PCDHGB6: variants seen among roughly 807,000 people sequenced by gnomAD.
The protein encoded by PCDHGB6 is protocadherin gamma subfamily B, 6.
PCDHGB6 carries 51 observed loss-of-function variants against 59.1 expected under a neutral mutation model. The ratio of observed to expected loss-of-function variants is 0.86; its 90% CI spans 0.69 to 1.09. PCDHGB6 has a LOEUF of 1.09. PCDHGB6 is among the 50% of genes least tolerant of loss of function. The pLI is 0.00. For synonymous variants in PCDHGB6, 466 were observed against 495.1 expected, an observed-to-expected ratio of 0.94 and a Z score of 0.78; for missense variants, 1,148 against 1,205.1, an observed-to-expected ratio of 0.95 and a Z score of 0.70.
rs758599120 is a variant in PCDHGB6 at position 141,414,165 on chromosome 5, A to G, written c.2418+3545A>G. On this transcript the variant is annotated intron_variant, in intron 1 of 3. Transcript: ENST00000520790. The stretch of plus-strand genomic sequence containing the variant: ...AAATACAAGCAGAAGATGGAGGAGC[A>G]TATCTTGCAACTGCAAAAGTGTTGA... 8 of 1,604,890 alleles carry G rather than the reference A, an allele frequency of 5.0e-6. No homozygotes were observed. The highest frequency in any genetic ancestry group is 2.2e-5 in the South Asian group (2 of 89,922).
At position 141,476,580 on chromosome 5, in the gene PCDHGB6, C is replaced by T. The variant is rs1463314107; in HGVS notation, c.2419-18227C>T. 6 of 1,614,126 alleles carry T rather than the reference C, an allele frequency of 3.7e-6. No homozygotes were observed. Among genetic ancestry groups the T allele is most frequent in the Non-Finnish European group, 5.1e-6 (6 of 1,180,052 alleles). The stretch of plus-strand genomic sequence containing the variant: ...GCCGTGGCTCCGGGGACGCGCTTTC[C>T]GCTCGAGAGCGCGCACGATCCCGAT... On this transcript the variant is annotated intron_variant, in intron 1 of 3. Transcript: ENST00000520790. This position sits in a 1 kb window ranked among gnomAD's most constrained non-coding sequence, Gnocchi z 7.6.
chr5:141,486,345 A>C lies in PCDHGB6; in HGVS notation c.2419-8462A>C. On this transcript the variant is annotated intron_variant, in intron 1 of 3. Coordinates refer to ENST00000520790, the MANE Select transcript of PCDHGB6 (RefSeq NM_018926.3). This position sits in a 1 kb window ranked among gnomAD's most constrained non-coding sequence, Gnocchi z 5.0. Reference sequence around the variant, plus strand: ...GGAGATGTGAGCCTCCGCATTCCTGACCACTTGCCATTTGCCCTCAAGTCT... The same window carrying C: ...GGAGATGTGAGCCTCCGCATTCCTGCCCACTTGCCATTTGCCCTCAAGTCT... The C allele has an allele frequency of 6.2e-7, 1 of 1,613,940 alleles. No homozygotes were observed. The highest frequency in any genetic ancestry group is 8.5e-7 in the Non-Finnish European group (1 of 1,179,986).
rs1361609314 is a variant in PCDHGB6 at position 141,423,642 on chromosome 5, TGACCC to T, written c.2418+13026_2418+13030del. 6 of 1,596,888 alleles carry T rather than the reference TGACCC, an allele frequency of 3.8e-6. No individual in the cohort carries two copies. In the South Asian group the frequency reaches 5.7e-5, roughly 15 times the overall value. ...ACTCAGCTATCATTTTAGGCAAATGTGACCCGACAAGTAATCAGGTGAGATTTATT... is the reference window on the plus strand; with the variant it reads ...ACTCAGCTATCATTTTAGGCAAATGTGACAAGTAATCAGGTGAGATTTATT... On this transcript the variant is annotated intron_variant, in intron 1 of 3. Transcript: ENST00000520790.
In PCDHGB6 at chr5:141,476,656, T is replaced by A. The variant is rs190269177; in HGVS notation, c.2419-18151T>A. 6.2e-7 allele frequency: 1 copy of A among 1,614,210 alleles called. No individual in the cohort carries two copies. The highest frequency in any genetic ancestry group is 1.3e-5 in the African/African-American group (1 of 75,064). ...ATGAGCTGAGCCGAAATGAATACTTTGCGCTTCGCGTGCAGACGCGGGAGG... is the reference window on the plus strand; with the variant it reads ...ATGAGCTGAGCCGAAATGAATACTTAGCGCTTCGCGTGCAGACGCGGGAGG... On this transcript the variant is annotated intron_variant, in intron 1 of 3. Coordinates refer to ENST00000520790, the MANE Select transcript of PCDHGB6 (RefSeq NM_018926.3). This position sits in a 1 kb window ranked among gnomAD's most constrained non-coding sequence, Gnocchi z 7.6.
At chr5:141,424,055 C>T (rs2096796946) in intron 1 of PCDHGB6, 1 of 1,007,784 alleles carries the variant, frequency 9.9e-7, no homozygotes. Flanking sequence ...TTTTGCTGTG[C>T]CTTCACTGAT....
chr5:141,490,956 A>T lies in PCDHGB6; in HGVS notation c.2419-3851A>T. 1.2e-6 allele frequency: 2 copies of T among 1,613,828 alleles called. No homozygotes were observed. The highest frequency in any genetic ancestry group is 1.7e-6 in the Non-Finnish European group (2 of 1,179,852). ...TGCTGCACCCACGGCCAGACTGGGA[A>T]CACTCAGCCCCCCAGCGTCTCCCTC... On this transcript the variant is annotated intron_variant, in intron 1 of 3. Transcript: ENST00000520790. The surrounding 1 kb of genome is among the most constrained non-coding windows in gnomAD (Gnocchi z 5.4).
chr5:141,449,718 G>A (rs2098653155), intron 1 of PCDHGB6, among the ~76,000 whole-genome samples: 2 of 150,760 alleles, frequency 1.3e-5, no homozygotes, highest in Admixed American at 6.6e-5. Flanking sequence ...ATTTTTATAT[G>A]ATATGATTTT....
chr5:141,458,633 A>C (rs548586597), intron 1 of PCDHGB6, among the ~76,000 whole-genome samples: 12 of 151,884 alleles, frequency 7.9e-5, no homozygotes, highest in Non-Finnish European at 1.5e-4. Flanking sequence ...GCAGTGGCAC[A>C]ATCCCAGCTC....
Position 141,485,373 on chromosome 5 carries a change from C to T in PCDHGB6, c.2419-9434C>T. 2 of 1,614,136 alleles carry T rather than the reference C, an allele frequency of 1.2e-6. No homozygotes were observed. Among genetic ancestry groups the T allele is most frequent in the East Asian group, 2.2e-5 (1 of 44,868 alleles). On this transcript the variant is annotated intron_variant, in intron 1 of 3. Transcript: ENST00000520790. This position sits in a 1 kb window ranked among gnomAD's most constrained non-coding sequence, Gnocchi z 5.7. ...CTGTCAGCTCGCAGGCTGCAGGTCG[C>T]TGGAGAGGTGAACCAAAGACACTTC... is the stretch of plus-strand genomic sequence containing the variant.
Position 141,409,203 on chromosome 5 carries a change from T to C in PCDHGB6, c.1001T>C (p.Ile334Thr). Reference sequence around the variant, plus strand: ...GGTCTCTCTACCCAGTGTAAAGTAATCATAGAAATCCTTGATGAAAACGAC... The same window carrying C: ...GGTCTCTCTACCCAGTGTAAAGTAACCATAGAAATCCTTGATGAAAACGAC... ...GGGLSTQCKV[I>T]IEILDENDNS... The change falls in exon 1 of 4, where the codon ATC becomes ACC. Residue 334 changes from isoleucine (I) to threonine (T), a missense_variant. Coordinates refer to ENST00000520790, the MANE Select transcript of PCDHGB6 (RefSeq NM_018926.3). 2 of 1,613,964 alleles carry C rather than the reference T, an allele frequency of 1.2e-6. No individual in the cohort carries two copies. Among genetic ancestry groups the C allele is most frequent in the Non-Finnish European group, 1.7e-6 (2 of 1,179,878 alleles).
At chr5:141,434,609 G>A (rs189866750) in intron 1 of PCDHGB6, among the ~76,000 whole-genome samples, 11 of 152,064 alleles carry the variant, frequency 7.2e-5, no homozygotes, top group Non-Finnish European at 1.3e-4. Context: ...CTTTATTTCC[G>A]CCCATCTCTT....
At position 141,491,116 on chromosome 5, in the gene PCDHGB6, GGT is replaced by G. The variant is rs2099708409; in HGVS notation, c.2419-3689_2419-3688del. The G allele has an allele frequency of 1.2e-6, 2 of 1,614,178 alleles. No individual in the cohort carries two copies. Among genetic ancestry groups the G allele is most frequent in the Non-Finnish European group, 1.7e-6 (2 of 1,180,024 alleles). On this transcript the variant is annotated intron_variant, in intron 1 of 3. Transcript: ENST00000520790. This position sits in a 1 kb window ranked among gnomAD's most constrained non-coding sequence, Gnocchi z 6.9. Reference sequence around the variant, plus strand: ...ACTGTTCCTCGTGTCTACACACACTGGTGAGGTGCGCACAGCCCGGGCCTTAC... The same window carrying G: ...ACTGTTCCTCGTGTCTACACACACTGGAGGTGCGCACAGCCCGGGCCTTAC...
intron 1 of PCDHGB6, among the ~76,000 whole-genome samples, chr5:141,445,961 G>T (rs944876169): frequency 1.3e-5 from 2 of 152,158 alleles, no homozygotes; most frequent in Non-Finnish European, 2.9e-5. Context: ...GCTATATGGA[G>T]AATTGATTTA....
At position 141,490,735 on chromosome 5, in the gene PCDHGB6, C is replaced by T; in HGVS notation, c.2419-4072C>T. The T allele has an allele frequency of 2.5e-6, 4 of 1,614,194 alleles. No individual in the cohort carries two copies. Among genetic ancestry groups the T allele is most frequent in the Non-Finnish European group, 2.5e-6 (3 of 1,180,018 alleles). ...CTACTCCATTGTAGGAAATCAGGTTCAGGGAGCCCCAGCCTCCTCCTTTGT... is the reference window on the plus strand; with the variant it reads ...CTACTCCATTGTAGGAAATCAGGTTTAGGGAGCCCCAGCCTCCTCCTTTGT... On this transcript the variant is annotated intron_variant, in intron 1 of 3. Transcript: ENST00000520790. This position sits in a 1 kb window ranked among gnomAD's most constrained non-coding sequence, Gnocchi z 5.4.
At chr5:141,441,886 A>C (rs2098281968) in intron 1 of PCDHGB6, 1 of 345,040 alleles carries the variant, frequency 2.9e-6, no homozygotes, top group Non-Finnish European at 5.6e-6. Flanking sequence ...CCTGGTCACC[A>C]AGGTGGTGGC....
At position 141,490,003 on chromosome 5, in the gene PCDHGB6, G is replaced by A. The variant is rs2099694760; in HGVS notation, c.2419-4804G>A. On this transcript the variant is annotated intron_variant, in intron 1 of 3. Transcript: ENST00000520790. This position sits in a 1 kb window ranked among gnomAD's most constrained non-coding sequence, Gnocchi z 5.4. ...TCTACGTGTGGGAATCCCAGAGAAT[G>A]CACCCATTGGTACTCTGCTGCTCCG... 6.2e-7 allele frequency: 1 copy of A among 1,614,204 alleles called. No homozygotes were observed. Among genetic ancestry groups the A allele is most frequent in the Non-Finnish European group, 8.5e-7 (1 of 1,180,008 alleles).
At chr5:141,479,120 A>T (rs1278879959) in intron 1 of PCDHGB6, among the ~76,000 whole-genome samples, 1 of 152,232 alleles carries the variant, frequency 6.6e-6, no homozygotes, top group Non-Finnish European at 1.5e-5. Context: ...TTCTACTGGA[A>T]ATGATGTGCA....
intron 1 of PCDHGB6, among the ~76,000 whole-genome samples, chr5:141,468,088 G>T (rs186503104): frequency 6.6e-6 from 1 of 152,186 alleles, no homozygotes; most frequent in East Asian, 1.9e-4. Context: ...ACTTTGGGAG[G>T]TTGAGGCAGG....
At chr5:141,439,934 G>T (rs1477526863) in intron 1 of PCDHGB6, 2 of 152,382 alleles carry the variant, frequency 1.3e-5, no homozygotes, top group Admixed American at 1.3e-4. Context: ...ATCCTGCTGG[G>T]CATTCTCTAT....
Sources: allele counts gnomAD v4.1 joint callset (sites outside exome capture counted in the v4.1 genomes callset), GRCh38; gene constraint gnomAD v4.1.1; non-coding constraint Gnocchi (gnomAD v3.1); transcripts MANE v1.5; gene names NCBI Gene and HGNC (gene_info 2026-07-23, HGNC 2026-07-21).